The following FOXN3 variants were observed in gnomAD, a reference collection of about 807,000 sequenced individuals.
The protein encoded by FOXN3 is forkhead box protein N3.
FOXN3 carries 7 observed loss-of-function variants against 38.4 expected under a neutral mutation model. The ratio of observed to expected loss-of-function variants is 0.18; its 90% confidence interval spans 0.10 to 0.34. The LOEUF is 0.34. Among genes scored for constraint, FOXN3 ranks in the 10% least tolerant of loss-of-function variants. The pLI is 1.00. For missense variants in FOXN3, 456 were observed against 613.4 expected (o/e 0.74, Z 2.71); for synonymous variants, 230 against 242.2 (o/e 0.95, Z 0.47).
At chr14:89,180,064 G>A (rs139517727) in intron 5 of FOXN3, among the ~76,000 whole-genome samples, 6 of 152,314 alleles carry the variant, frequency 3.9e-5, no homozygotes, top group African/African-American at 1.4e-4. Flanking sequence ...AGGAGGCTCC[G>A]CCAATGGTGC....
intron 1 of FOXN3, among the ~76,000 whole-genome samples, chr14:89,596,699 G>A (rs539320948): frequency 1.3e-5 from 2 of 152,276 alleles, no homozygotes; most frequent in South Asian, 2.1e-4. Context: ...ACATATTCAT[G>A]AGGAGACATA....
chr14:89,328,456 C>T (rs1319251404), intron 3 of FOXN3, among the ~76,000 whole-genome samples: 1 of 151,884 alleles, frequency 6.6e-6, no homozygotes, highest in East Asian at 1.9e-4. Flanking sequence ...TTCCCAACAG[C>T]AGCCCTGGTT....
chr14:89,288,618 A>G (rs2139929181), intron 3 of FOXN3, among the ~76,000 whole-genome samples: 1 of 146,270 alleles, frequency 6.8e-6, no homozygotes, highest in Admixed American at 6.8e-5. Context: ...GATATAGAAG[A>G]TATTTTAAAA....
chr14:89,475,900 C>T (rs1230718114), intron 1 of FOXN3, among the ~76,000 whole-genome samples: 3 of 152,080 alleles, frequency 2.0e-5, no homozygotes, highest in Admixed American at 6.5e-5. Flanking sequence ...TACACAAGAT[C>T]CAACAACACA....
intron 4 of FOXN3, among the ~76,000 whole-genome samples, chr14:89,185,300 C>T (rs1887775507): frequency 6.6e-6 from 1 of 152,192 alleles, no homozygotes; most frequent in African/African-American, 2.4e-5. Context: ...CCCCAAGTGT[C>T]AGGAACGTGG....
chr14:89,303,148 C>T (rs1022082435), intron 3 of FOXN3, among the ~76,000 whole-genome samples: 13 of 152,112 alleles, frequency 8.5e-5, no homozygotes, highest in African/African-American at 2.9e-4. Flanking sequence ...TAGTTTTTTT[C>T]GCTCTGACAA....
chr14:89,582,788 G>C (rs2139913190), intron 1 of FOXN3, among the ~76,000 whole-genome samples: 1 of 152,100 alleles, frequency 6.6e-6, no homozygotes, highest in Non-Finnish European at 1.5e-5. Context: ...CATCTCCCCT[G>C]CCATCTCAAA....
intron 1 of FOXN3, among the ~76,000 whole-genome samples, chr14:89,513,793 C>G (rs1894144886): frequency 6.6e-6 from 1 of 151,996 alleles, no homozygotes; most frequent in Non-Finnish European, 1.5e-5. Flanking sequence ...GATGGGGTTT[C>G]TCCATGTTGG....
intron 3 of FOXN3, among the ~76,000 whole-genome samples, chr14:89,285,649 G>C (rs1275967772): frequency 2.6e-5 from 4 of 152,134 alleles, no homozygotes; most frequent in Non-Finnish European, 5.9e-5. Context: ...GAGGTATCTA[G>C]AGTAGACAAA....
chr14:89,190,176 T>C (rs1189456121), intron 4 of FOXN3, among the ~76,000 whole-genome samples: 1 of 152,248 alleles, frequency 6.6e-6, no homozygotes, highest in Non-Finnish European at 1.5e-5. Flanking sequence ...CTTTCTCATC[T>C]TGGAAACACA....
intron 1 of FOXN3, among the ~76,000 whole-genome samples, chr14:89,461,736 A>T (rs538385893): frequency 6.6e-6 from 1 of 152,142 alleles, no homozygotes; most frequent in East Asian, 1.9e-4. Flanking sequence ...TGGTGTAGTC[A>T]GGAGGAGCAT....
At chr14:89,364,699 C>T (rs1890085116) in intron 2 of FOXN3, 1 of 152,236 alleles carries the variant, frequency 6.6e-6, no homozygotes, top group Non-Finnish European at 1.5e-5. Context: ...ACGGAAATCA[C>T]TATTAGTGTG....
intron 4 of FOXN3, among the ~76,000 whole-genome samples, chr14:89,259,116 G>A (rs780438802): frequency 6.6e-6 from 1 of 152,230 alleles, no homozygotes; most frequent in Non-Finnish European, 1.5e-5. Flanking sequence ...TCAGAGACAA[G>A]AAGGCAATGT....
intron 4 of FOXN3, among the ~76,000 whole-genome samples, chr14:89,255,250 C>T (rs573034410): frequency 2.0e-5 from 3 of 152,316 alleles, no homozygotes; most frequent in South Asian, 4.2e-4. Context: ...TGCCACTTTC[C>T]GGTCTCATTT....
chr14:89,324,208 T>C (rs748667706), intron 3 of FOXN3, among the ~76,000 whole-genome samples: 21 of 152,326 alleles, frequency 1.4e-4, no homozygotes, highest in East Asian at 1.9e-4. Context: ...ATTTCTCCAA[T>C]GGGCATCAAA....
chr14:89,587,867 G>GAAAAAAAAAAAAAAA (rs11366681), intron 1 of FOXN3, among the ~76,000 whole-genome samples: 1 of 64,640 alleles, frequency 1.5e-5, no homozygotes. Flanking sequence ...CTCTGTCTCA[G>GAAAAAAAAAAAAAAA]AAAAAAAAAA....
chr14:89,595,490 TTC>T (rs1353830716), intron 1 of FOXN3, among the ~76,000 whole-genome samples: 2 of 152,242 alleles, frequency 1.3e-5, no homozygotes, highest in African/African-American at 4.8e-5. Flanking sequence ...TAAATTCATG[TTC>T]TGATTATTAG....
intron 3 of FOXN3, among the ~76,000 whole-genome samples, chr14:89,342,346 T>C (rs1398187484): frequency 1.3e-5 from 2 of 152,246 alleles, no homozygotes; most frequent in East Asian, 3.8e-4. Flanking sequence ...TAACAGGGAC[T>C]GTTTTCCATT....
At chr14:89,331,001 C>G (rs1401190560) in intron 3 of FOXN3, among the ~76,000 whole-genome samples, 1 of 152,206 alleles carries the variant, frequency 6.6e-6, no homozygotes, top group Non-Finnish European at 1.5e-5. Context: ...TCTGTTTCCT[C>G]TTCTTCTTTT....
Sources: allele counts gnomAD v4.1 joint callset (sites outside exome capture counted in the v4.1 genomes callset), GRCh38; gene constraint gnomAD v4.1.1; transcripts MANE v1.5; gene names NCBI Gene and HGNC (gene_info 2026-07-23, HGNC 2026-07-21).